TSPEAR: variants seen among roughly 807,000 people sequenced by gnomAD.
The protein encoded by TSPEAR is thrombospondin-type laminin G domain and EAR repeat-containing protein.
A neutral mutation model predicts 71.6 loss-of-function variants in TSPEAR; 69 were observed. The ratio of observed to expected loss-of-function variants is 0.96; its 90% CI spans 0.79 to 1.18. The LOEUF is 1.18. Among genes scored for constraint, TSPEAR ranks in the 50% most tolerant of loss-of-function variants. The pLI, the probability that TSPEAR is intolerant of heterozygous loss-of-function variation, is 0.00. For missense variants in TSPEAR, 971 were observed against 894.9 expected (o/e 1.09, Z -1.09); for synonymous variants, 402 against 387.2 (o/e 1.04, Z -0.45).
intron 2 of TSPEAR, among the ~76,000 whole-genome samples, chr21:44,537,170 T>C (rs2053103188): frequency 1.3e-5 from 2 of 152,048 alleles, no homozygotes; most frequent in South Asian, 4.1e-4. Flanking sequence ...GGAAAAGCTT[T>C]CTAAAATTAA....
intron 1 of TSPEAR, among the ~76,000 whole-genome samples, chr21:44,648,985 T>G (rs1346396896): frequency 6.6e-6 from 1 of 152,238 alleles, no homozygotes; most frequent in Non-Finnish European, 1.5e-5. Context: ...CCGAGTGCTC[T>G]GCCCCTCCCA....
At chr21:44,650,006 G>A (rs188639776) in intron 1 of TSPEAR, among the ~76,000 whole-genome samples, 13 of 152,252 alleles carry the variant, frequency 8.5e-5, no homozygotes, top group Admixed American at 5.2e-4. Context: ...AGGACCACTC[G>A]AGCCCAGGAG....
rs1601486592 is a variant in TSPEAR at position 44,612,987 on chromosome 21, T to G, written c.83-44982A>C. ...GTGGCTGCCCCTACCTGGGATGGGGTCTCCATGTCTCCCCTGTGCTGAGGT... is the reference window on the plus strand; with the variant it reads ...GTGGCTGCCCCTACCTGGGATGGGGGCTCCATGTCTCCCCTGTGCTGAGGT... On this transcript the variant is annotated intron_variant, in intron 1 of 11. Coordinates refer to ENST00000323084, the MANE Select transcript of TSPEAR (RefSeq NM_144991.3). The surrounding 1 kb of genome is among the most constrained non-coding windows in gnomAD (Gnocchi z 4.1). 1 of 1,476,554 alleles carries G rather than the reference T, an allele frequency of 6.8e-7. No individual in the cohort carries two copies. The highest frequency in any genetic ancestry group is 9.2e-7 in the Non-Finnish European group (1 of 1,088,638). The allele number at this position is 1,476,554 out of a possible 1,614,324, so 91.5% of individuals were successfully genotyped here.
In TSPEAR at chr21:44,521,969, T is replaced by C; in HGVS notation, c.1480A>G (p.Asn494Asp). The C allele has an allele frequency of 1.4e-5, 23 of 1,614,048 alleles. No individual in the cohort carries two copies. The highest frequency in any genetic ancestry group is 1.7e-5 in the Non-Finnish European group (20 of 1,179,984). The stretch of plus-strand genomic sequence containing the variant: ...TTGGTGGAGGTGCCGTTGAAGGTGT[T>C]GGCCACCACCAGGAACGAGTAGGGC... ...VGPYSFLVVA[N>D]TFNGTSTKVH... is the part of the protein sequence containing the mutation. Residue 494 changes from asparagine to aspartate, a missense_variant, in exon 9 of 12, where the codon AAC becomes GAC. Physicochemically the swap from Asn to Asp is conservative, Grantham distance 23. Transcript: ENST00000323084.
intron 2 of TSPEAR, among the ~76,000 whole-genome samples, chr21:44,540,982 T>TTA (rs2053212374): frequency 6.6e-6 from 1 of 152,062 alleles, no homozygotes; most frequent in Admixed American, 6.5e-5. Flanking sequence ...AAATTTATTT[T>TTA]TTTTTTTTTT....
rs201961551 is a variant in TSPEAR at position 44,509,351 on chromosome 21, G to A, written c.1602C>T (p.Ile534=). 1.1e-5 allele frequency: 17 copies of A among 1,613,766 alleles called. No homozygotes were observed. Among genetic ancestry groups the A allele is most frequent in the African/African-American group, 1.3e-5 (1 of 74,960 alleles). ...FGAADWEVFQ[I]GERIFLAVAN... is the part of the protein sequence containing the mutation. ...CCACAGCGAGGAAGATCCTCTCCCC[G>A]ATCTGGAAGACCTCCCAGTCTGCAG... The change falls in exon 10 of 12, where the codon ATC becomes ATT. Residue 534 remains isoleucine, a synonymous_variant. Transcript: ENST00000323084.
At chr21:44,592,259 G>A (rs782514096) in intron 1 of TSPEAR, 2 of 1,591,498 alleles carry the variant, frequency 1.3e-6, no homozygotes, top group South Asian at 2.2e-5. Flanking sequence ...GATTGGCAGG[G>A]GCTGGGCTCA....
chr21:44,684,545 A>G (rs1381462826), intron 1 of TSPEAR, among the ~76,000 whole-genome samples: 1 of 152,222 alleles, frequency 6.6e-6, no homozygotes, highest in Non-Finnish European at 1.5e-5. Flanking sequence ...AAAACCCCAG[A>G]AACTGAGATT....
At chr21:44,697,361 C>G (rs782653353) in intron 1 of TSPEAR, 39 of 1,613,288 alleles carry the variant, frequency 2.4e-5, no homozygotes, top group Non-Finnish European at 3.3e-5. Context: ...GGTCTGCACC[C>G]CAGTGAGCCG....
At chr21:44,568,074 C>G in intron 1 of TSPEAR, 69 bp from the exon 2 acceptor site, 1 of 1,261,696 alleles carries the variant, frequency 7.9e-7, no homozygotes, top group East Asian at 2.5e-5. Flanking sequence ...TAACAGCCAA[C>G]ATGTATGGGG....
At chr21:44,684,773 G>C (rs1330052376) in intron 1 of TSPEAR, among the ~76,000 whole-genome samples, 1 of 152,226 alleles carries the variant, frequency 6.6e-6, no homozygotes, top group Non-Finnish European at 1.5e-5. Flanking sequence ...GAAGGAGATG[G>C]GGGAAGGTAA....
intron 1 of TSPEAR, among the ~76,000 whole-genome samples, chr21:44,669,708 C>T (rs868940489): frequency 2.6e-5 from 4 of 152,208 alleles, no homozygotes; most frequent in Non-Finnish European, 4.4e-5. Context: ...TTCTCCTCCT[C>T]GGCTTACGGA....
chr21:44,669,629 C>T (rs893002343), intron 1 of TSPEAR, among the ~76,000 whole-genome samples: 2 of 152,078 alleles, frequency 1.3e-5, no homozygotes, highest in Admixed American at 6.5e-5. Flanking sequence ...GGCTGAAAAC[C>T]GAGACCATGA....
intron 1 of TSPEAR, among the ~76,000 whole-genome samples, chr21:44,583,393 A>G (rs1169052141): frequency 6.6e-6 from 1 of 152,246 alleles, no homozygotes; most frequent in African/African-American, 2.4e-5. Flanking sequence ...TGGAGACGCG[A>G]TGACAGCAGC....
intron 11 of TSPEAR, among the ~76,000 whole-genome samples, chr21:44,500,536 A>G (rs1299489497): frequency 2.6e-5 from 4 of 152,194 alleles, no homozygotes; most frequent in African/African-American, 9.7e-5. Context: ...ATTTAATATT[A>G]AATAATAAAG....
intron 2 of TSPEAR, among the ~76,000 whole-genome samples, chr21:44,564,276 A>G (rs980505512): frequency 6.6e-6 from 1 of 152,234 alleles, no homozygotes; most frequent in Non-Finnish European, 1.5e-5. Context: ...AATGAGGTCA[A>G]CTGTATATCA....
At chr21:44,681,002 G>A (rs566504328) in intron 1 of TSPEAR, among the ~76,000 whole-genome samples, 69 of 152,324 alleles carry the variant, frequency 4.5e-4, no homozygotes, top group African/African-American at 1.5e-3. Context: ...AGCTAGAAGA[G>A]AGAGTGTAAA....
intron 1 of TSPEAR, among the ~76,000 whole-genome samples, chr21:44,685,115 T>A (rs1321562840): frequency 6.6e-6 from 1 of 152,106 alleles, no homozygotes; most frequent in African/African-American, 2.4e-5. Flanking sequence ...GGAGGGGATT[T>A]CATTAACATG....
chr21:44,513,829 C>A (rs951155079), intron 9 of TSPEAR, among the ~76,000 whole-genome samples: 6 of 152,138 alleles, frequency 3.9e-5, no homozygotes, highest in African/African-American at 1.4e-4. Context: ...GAAGGCAGTT[C>A]CCCAACAAGC....
Sources: allele counts gnomAD v4.1 joint callset (sites outside exome capture counted in the v4.1 genomes callset), GRCh38; gene constraint gnomAD v4.1.1; non-coding constraint Gnocchi (gnomAD v3.1); transcripts MANE v1.5; gene names NCBI Gene and HGNC (gene_info 2026-07-23, HGNC 2026-07-21).